Variants in TCAIM observed in about 807,000 individuals in gnomAD.
TCAIM encodes the protein T-cell activation inhibitor, mitochondrial.
Under a neutral mutation model 58.6 loss-of-function variants are expected in TCAIM, and 36 were observed. The ratio of observed to expected loss-of-function variants is 0.61; its 90% confidence interval spans 0.47 to 0.81. The LOEUF (loss-of-function observed/expected upper bound fraction) is 0.81. TCAIM is among the 30% of genes least tolerant of loss of function. The probability of loss-of-function intolerance (pLI) is 0.00; values close to 1 mark genes in which losing one functional copy is unlikely to be tolerated. For missense variants in TCAIM, 466 were observed against 579.6 expected, an observed-to-expected ratio of 0.80 and a Z score of 2.01; for synonymous variants, 172 against 193.6, an observed-to-expected ratio of 0.89 and a Z score of 0.93.
Position 44,367,795 on chromosome 3 carries a change from A to C in TCAIM, c.572+87A>C, listed in dbSNP as rs571882870. 1.1e-5 allele frequency: 14 copies of C among 1,326,486 alleles called. No individual in the cohort carries two copies. In the Admixed American group the frequency reaches 1.5e-4, roughly 14 times the overall value. The allele number at this position is 1,326,486 out of a possible 1,614,324, so 82.2% of individuals were successfully genotyped here. ...ATTGGGATGGCAAAAACATTTTTTT[A>C]TAAATAAAAAGTGTAGTTCACATTT... On this transcript the variant is annotated intron_variant, in intron 5 of 10. Coordinates refer to ENST00000342649, the MANE Select transcript of TCAIM (RefSeq NM_173826.4).
intron 3 of TCAIM, 28 bp from the exon 4 acceptor site, chr3:44,361,337 T>C: frequency 6.4e-7 from 1 of 1,564,398 alleles, no homozygotes; most frequent in Non-Finnish European, 8.7e-7. Flanking sequence ...CTATTTTGTA[T>C]GTAAATGCCC....
intron 5 of TCAIM, among the ~76,000 whole-genome samples, chr3:44,383,305 G>A (rs1413937484): frequency 6.6e-6 from 1 of 152,166 alleles, no homozygotes; most frequent in Non-Finnish European, 1.5e-5. Flanking sequence ...CAACCCAAGT[G>A]TCCATCAGTG....
chr3:44,384,276 G>A (rs1209677750), intron 5 of TCAIM, among the ~76,000 whole-genome samples: 2 of 152,208 alleles, frequency 1.3e-5, no homozygotes, highest in African/African-American at 4.8e-5. Context: ...GAGTAATTTA[G>A]AACTTTATTT....
At chr3:44,343,399 C>A (rs892159844) in intron 1 of TCAIM, among the ~76,000 whole-genome samples, 2 of 151,988 alleles carry the variant, frequency 1.3e-5, no homozygotes, top group African/African-American at 2.4e-5. Flanking sequence ...GAATGTAAGC[C>A]TTGGATATAA....
chr3:44,381,718 T>C (rs1056736864), intron 5 of TCAIM, among the ~76,000 whole-genome samples: 3 of 152,166 alleles, frequency 2.0e-5, no homozygotes, highest in Admixed American at 6.5e-5. Context: ...ATAATGGTCT[T>C]ATACATAGAA....
intron 8 of TCAIM, among the ~76,000 whole-genome samples, chr3:44,399,174 T>C (rs997684137): frequency 4.6e-5 from 7 of 152,234 alleles, no homozygotes; most frequent in African/African-American, 1.4e-4. Context: ...TGATGAACTC[T>C]GAGTAAGATT....
chr3:44,351,423 G>T, intron 1 of TCAIM, among the ~76,000 whole-genome samples: 1 of 151,398 alleles, frequency 6.6e-6, no homozygotes, highest in Non-Finnish European at 1.5e-5. Flanking sequence ...CTGTATCTTT[G>T]TATTTGTCTC....
At chr3:44,380,998 C>G (rs1701646628) in intron 5 of TCAIM, among the ~76,000 whole-genome samples, 2 of 152,096 alleles carry the variant, frequency 1.3e-5, no homozygotes, top group Non-Finnish European at 2.9e-5. Flanking sequence ...AATTTCCCAA[C>G]AAAGAAAAGC....
intron 4 of TCAIM, among the ~76,000 whole-genome samples, chr3:44,364,100 T>C (rs1231159068): frequency 6.6e-6 from 1 of 151,784 alleles, no homozygotes. Flanking sequence ...AGCTAATTTT[T>C]GTATTTTTAG....
intron 5 of TCAIM, among the ~76,000 whole-genome samples, chr3:44,384,840 C>G (rs1277383603): frequency 2.0e-5 from 3 of 152,196 alleles, no homozygotes; most frequent in Non-Finnish European, 4.4e-5. Context: ...CGTCATTCCC[C>G]TTAATAGCTC....
At chr3:44,364,689 G>A (rs1490131052) in intron 4 of TCAIM, among the ~76,000 whole-genome samples, 1 of 151,048 alleles carries the variant, frequency 6.6e-6, no homozygotes, top group Non-Finnish European at 1.5e-5. Context: ...TTGCAGTGAG[G>A]CAAGATGGCA....
intron 5 of TCAIM, among the ~76,000 whole-genome samples, chr3:44,371,217 C>T (rs1331458642): frequency 4.6e-5 from 7 of 150,804 alleles, no homozygotes; most frequent in Non-Finnish European, 1.0e-4. Context: ...TGGCCCATAC[C>T]CGGTTAATTT....
chr3:44,389,073 C>T (rs1701790222), intron 5 of TCAIM, among the ~76,000 whole-genome samples: 1 of 152,182 alleles, frequency 6.6e-6, no homozygotes, highest in East Asian at 1.9e-4. Flanking sequence ...GGGTGGATCA[C>T]GAGGTCAGGA....
chr3:44,369,389 T>C (rs1466786061), intron 5 of TCAIM, among the ~76,000 whole-genome samples: 4 of 152,200 alleles, frequency 2.6e-5, no homozygotes, highest in African/African-American at 9.6e-5. Context: ...TGGACTTCAC[T>C]CAAGTTAAAA....
Position 44,396,394 on chromosome 3 carries a change from G to A in TCAIM, c.696-6G>A, listed in dbSNP as rs1436306581. ...GTTAACATGAGTGTGTGCTCTGTTG[G>A]CCTAGGTGGCAGAGGAGCTGGGGCA... On this transcript the variant is annotated splice_region_variant and splice_polypyrimidine_tract_variant and intron_variant, in intron 6 of 10. Coordinates refer to ENST00000342649, the MANE Select transcript of TCAIM (RefSeq NM_173826.4). 2.5e-6 allele frequency: 4 copies of A among 1,612,216 alleles called. No homozygotes were observed. The highest frequency in any genetic ancestry group is 3.4e-5 in the Admixed American group (2 of 59,590).
rs1027512123 is a variant in TCAIM at position 44,358,991 on chromosome 3, A to C, written c.165+1115A>C. 11 of 984,776 alleles carry C rather than the reference A, an allele frequency of 1.1e-5. No individual in the cohort carries two copies. The African/African-American group carries it at 1.7e-4, about 16-fold the overall frequency. 61.0% of individuals were successfully genotyped at this position (984,776 alleles called of 1,614,324 possible). A position where few individuals can be genotyped will look rare whatever the true frequency, so the allele number is the denominator to read the frequency against. On this transcript the variant is annotated intron_variant, in intron 3 of 10. Coordinates refer to ENST00000342649, the MANE Select transcript of TCAIM (RefSeq NM_173826.4). ...TGAATCAACAGAAAAATATTCATTA[A>C]CTCGGGGATGCATTAATAAAGTTTT...
At chr3:44,374,270 T>A (rs930025018) in intron 5 of TCAIM, among the ~76,000 whole-genome samples, 1 of 148,330 alleles carries the variant, frequency 6.7e-6, no homozygotes, top group Non-Finnish European at 1.5e-5. Flanking sequence ...CTAGCAAAGT[T>A]GTTTTGCTTT....
At chr3:44,358,873 ATTTTGCTT>A (rs1458732157) in intron 3 of TCAIM, 6 of 985,346 alleles carry the variant, frequency 6.1e-6, no homozygotes, top group Non-Finnish European at 7.2e-6. Context: ...TGGAAAATCT[ATTTTGCTT>A]TTTTGCTTCT....
rs1343333348 is a variant in TCAIM at position 44,408,204 on chromosome 3, G to A, written c.*522G>A. On this transcript the variant is annotated 3_prime_UTR_variant, in exon 11 of 11. Coordinates refer to ENST00000342649, the MANE Select transcript of TCAIM (RefSeq NM_173826.4). ...GTTGGGTTGGGCTGGAGAGGTATGT[G>A]TGTGTAAATATAAAGGTCTCACATT... 1.3e-5 allele frequency: 2 copies of A among 152,262 alleles called. No individual in the cohort carries two copies. Among genetic ancestry groups the A allele is most frequent in the Non-Finnish European group, 2.9e-5 (2 of 68,120 alleles). 9.4% of individuals were successfully genotyped at this position (152,262 alleles called of 1,614,324 possible). A position where few individuals can be genotyped will look rare whatever the true frequency, so the allele number is the denominator to read the frequency against.
Sources: gnomAD v4.1 joint callset for allele counts (sites outside exome capture counted in the v4.1 genomes callset) on GRCh38, gnomAD v4.1.1 for gene constraint, MANE v1.5 for transcripts, NCBI Gene and HGNC (gene_info 2026-07-23, HGNC 2026-07-21) for gene names.